The following MOB1B variants were observed in gnomAD, a reference collection of about 807,000 sequenced individuals.
The protein encoded by MOB1B is MOB1 Mps One Binder homolog B.
A neutral mutation model predicts 24.4 loss-of-function variants in MOB1B; 19 were observed. The observed-to-expected ratio is 0.78, with a 90% CI of 0.54 to 1.14. The LOEUF (loss-of-function observed/expected upper bound fraction) is 1.14, where lower values mean the gene tolerates loss of function less well. Ranked by LOEUF, MOB1B falls within the 50% of genes most tolerant of loss-of-function variation. The pLI, the probability that MOB1B is intolerant of heterozygous loss-of-function variation, is 0.00. For synonymous variants in MOB1B, 76 were observed against 82.1 expected, an observed-to-expected ratio of 0.93 and a Z score of 0.40; for missense variants, 243 against 259.6, an observed-to-expected ratio of 0.94 and a Z score of 0.44.
intron 1 of MOB1B, among the ~76,000 whole-genome samples, chr4:70,929,750 A>T (rs931202421): frequency 2.0e-5 from 3 of 150,424 alleles, no homozygotes; most frequent in Non-Finnish European, 3.0e-5. Flanking sequence ...GGTTTACGCC[A>T]TTCTCCTGCC....
At chr4:70,965,930 A>G (rs917565920) in intron 2 of MOB1B, among the ~76,000 whole-genome samples, 1 of 151,994 alleles carries the variant, frequency 6.6e-6, no homozygotes, top group Non-Finnish European at 1.5e-5. Context: ...CAAAGTTAAC[A>G]CTAGAATAAA....
chr4:70,942,717 G>A (rs1737399556), intron 1 of MOB1B: 1 of 202,254 alleles, frequency 4.9e-6, no homozygotes, highest in Non-Finnish European at 8.8e-6. Context: ...GATAACCTCA[G>A]GGAAAAGATA....
At chr4:70,908,749 T>C (rs1735856952) in intron 1 of MOB1B, among the ~76,000 whole-genome samples, 1 of 143,720 alleles carries the variant, frequency 7.0e-6, no homozygotes, top group African/African-American at 2.6e-5. Flanking sequence ...CACTCCAGCT[T>C]GGGCAACACA....
intron 1 of MOB1B, among the ~76,000 whole-genome samples, chr4:70,932,418 C>T (rs1479160824): frequency 6.6e-6 from 1 of 152,006 alleles, no homozygotes; most frequent in Non-Finnish European, 1.5e-5. Flanking sequence ...TTTTTTTAAC[C>T]ACATGAAGTA....
intron 1 of MOB1B, among the ~76,000 whole-genome samples, chr4:70,919,897 T>A (rs1270993419): frequency 6.6e-6 from 1 of 152,226 alleles, no homozygotes; most frequent in Non-Finnish European, 1.5e-5. Context: ...TCAATAAGGT[T>A]TGATGTATAG....
intron 1 of MOB1B, among the ~76,000 whole-genome samples, chr4:70,941,438 T>C (rs1164980395): frequency 1.3e-5 from 2 of 152,098 alleles, no homozygotes; most frequent in African/African-American, 4.8e-5. Context: ...GCCTCCTGGG[T>C]TCACGCCATT....
intron 1 of MOB1B, among the ~76,000 whole-genome samples, chr4:70,903,129 C>A (rs901979003): frequency 6.6e-6 from 1 of 152,144 alleles, no homozygotes; most frequent in African/African-American, 2.4e-5. Context: ...TGGACACAGA[C>A]GGGGGTCCCT....
intron 1 of MOB1B, chr4:70,950,895 T>G: frequency 5.1e-6 from 4 of 790,480 alleles, no homozygotes; most frequent in Non-Finnish European, 8.5e-6. Flanking sequence ...GGTATTATTA[T>G]CTCCATTTTG....
chr4:70,979,304 A>C lies in MOB1B; in HGVS notation c.573+13A>C, dbSNP rs373742420. The C allele has an allele frequency of 8.7e-5, 140 of 1,607,428 alleles. 1 individual carries two copies. Among genetic ancestry groups the C allele is most frequent in the Non-Finnish European group, 1.1e-4 (131 of 1,176,228 alleles). Reference sequence around the variant, plus strand: ...TTTTTTTGTCCAGGTAAGTTGGATTAGGAGGCCTTTGGTGCTCAGGGTAAG... The same window carrying C: ...TTTTTTTGTCCAGGTAAGTTGGATTCGGAGGCCTTTGGTGCTCAGGGTAAG... On this transcript the variant is annotated intron_variant, in intron 5 of 5. Coordinates refer to ENST00000309395, the MANE Select transcript of MOB1B (RefSeq NM_173468.4).
In MOB1B at chr4:70,985,992, A is replaced by G. The variant is rs1408582341; in HGVS notation, c.*3935A>G. On this transcript the variant is annotated 3_prime_UTR_variant, in exon 6 of 6. Transcript: ENST00000309395. ...AAAAGAATAGTTTCCTGATGTCACT[A>G]TTTTGAAGTGGAAATTATCACTTGG... 6.6e-6 allele frequency: 1 copy of G among 152,222 alleles called. No homozygotes were observed. Among genetic ancestry groups the G allele is most frequent in the African/African-American group, 2.4e-5 (1 of 41,460 alleles). The allele number at this position is 152,222 out of a possible 1,614,324, so 9.4% of individuals were successfully genotyped here. A position where few individuals can be genotyped will look rare whatever the true frequency, so the allele number is the denominator to read the frequency against.
At chr4:70,947,513 T>C (rs1194108968) in intron 1 of MOB1B, among the ~76,000 whole-genome samples, 1 of 152,208 alleles carries the variant, frequency 6.6e-6, no homozygotes, top group African/African-American at 2.4e-5. Flanking sequence ...TTAACAGCTC[T>C]TTGTATATTT....
intron 1 of MOB1B, among the ~76,000 whole-genome samples, chr4:70,927,462 C>A (rs1736700573): frequency 1.3e-5 from 2 of 152,046 alleles, no homozygotes. Flanking sequence ...ATCGCTTGAA[C>A]CTGGGAGGCG....
At chr4:70,950,694 A>G (rs1050310826) in intron 1 of MOB1B, 39 of 1,449,140 alleles carry the variant, frequency 2.7e-5, no homozygotes, top group Non-Finnish European at 3.4e-5. Context: ...TATTATCCTG[A>G]TGTAGGAGTT....
rs977500356 is a variant in MOB1B at position 70,902,408 on chromosome 4, C to T, written c.-129C>T. 3.0e-6 allele frequency: 3 copies of T among 989,796 alleles called. No individual in the cohort carries two copies. The highest frequency in any genetic ancestry group is 3.1e-6 in the Non-Finnish European group (2 of 639,096). 61.3% of individuals were successfully genotyped at this position (989,796 alleles called of 1,614,324 possible). A position where few individuals can be genotyped will look rare whatever the true frequency, so the allele number is the denominator to read the frequency against. On this transcript the variant is annotated 5_prime_UTR_variant, in exon 1 of 6. Coordinates refer to ENST00000309395, the MANE Select transcript of MOB1B (RefSeq NM_173468.4). ...AGCCGAACTAGTTGCGGCCACCGAG[C>T]AGCCGGCTCTCGGCACCTCCTCCTC...
At chr4:70,902,931 G>T (rs1034158544) in intron 1 of MOB1B, among the ~76,000 whole-genome samples, 15 of 152,248 alleles carry the variant, frequency 9.9e-5, no homozygotes, top group Admixed American at 9.8e-4. Context: ...GTGCTCGGTT[G>T]AATGGCTCCG....
chr4:70,942,136 C>G (rs1007716161), intron 1 of MOB1B, among the ~76,000 whole-genome samples: 2 of 152,032 alleles, frequency 1.3e-5, no homozygotes, highest in Non-Finnish European at 2.9e-5. Flanking sequence ...AGGAATGATT[C>G]TTATTTTATT....
intron 2 of MOB1B, among the ~76,000 whole-genome samples, chr4:70,962,689 A>G (rs1738352327): frequency 6.6e-6 from 1 of 152,156 alleles, no homozygotes; most frequent in Non-Finnish European, 1.5e-5. Context: ...GAAAAAATTA[A>G]TAAATTAGAC....
At position 70,985,589 on chromosome 4, in the gene MOB1B, TCTCAG is replaced by T. The variant is rs1412671344; in HGVS notation, c.*3537_*3541del. On this transcript the variant is annotated 3_prime_UTR_variant, in exon 6 of 6. Coordinates refer to ENST00000309395, the MANE Select transcript of MOB1B (RefSeq NM_173468.4). ...CCCGGGCTGGAGTACAATGGCATGATCTCAGCTCACTGCAACCTCCACCTCCTGGG... is the reference window on the plus strand; with the variant it reads ...CCCGGGCTGGAGTACAATGGCATGATCTCACTGCAACCTCCACCTCCTGGG... The T allele has an allele frequency of 6.6e-6, 1 of 152,184 alleles. No individual in the cohort carries two copies. The highest frequency in any genetic ancestry group is 1.5e-5 in the Non-Finnish European group (1 of 68,084). The allele number at this position is 152,184 out of a possible 1,614,324, so 9.4% of individuals were successfully genotyped here. A position where few individuals can be genotyped will look rare whatever the true frequency, so the allele number is the denominator to read the frequency against.
intron 1 of MOB1B, among the ~76,000 whole-genome samples, chr4:70,934,578 C>T (rs190265899): frequency 3.4e-4 from 51 of 151,926 alleles, no homozygotes; most frequent in Admixed American, 2.3e-3. Context: ...CTCAGCCTCC[C>T]GAGTAGCTGG....
Sources: allele counts gnomAD v4.1 joint callset (sites outside exome capture counted in the v4.1 genomes callset), GRCh38; gene constraint gnomAD v4.1.1; transcripts MANE v1.5; gene names NCBI Gene and HGNC (gene_info 2026-07-23, HGNC 2026-07-21).